UVRAG: variants seen among roughly 807,000 people sequenced by gnomAD.
The protein encoded by UVRAG is UV radiation resistance associated, also known as UV radiation resistance-associated gene protein.
In UVRAG, 19 loss-of-function variants were observed where a neutral mutation model predicts 78.0. That is an observed-to-expected ratio of 0.24 (90% CI 0.17 to 0.36). The LOEUF (loss-of-function observed/expected upper bound fraction) is 0.36, where lower values mean the gene tolerates loss of function less well. Among genes scored for constraint, UVRAG ranks in the 10% least tolerant of loss-of-function variants. The probability of loss-of-function intolerance (pLI) is 1.00; values close to 1 mark genes in which losing one functional copy is unlikely to be tolerated. For missense variants in UVRAG, 740 were observed against 853.8 expected, an observed-to-expected ratio of 0.87 and a Z score of 1.66; for synonymous variants, 323 against 324.6, an observed-to-expected ratio of 1.00 and a Z score of 0.05.
intron 5 of UVRAG, among the ~76,000 whole-genome samples, chr11:75,899,840 A>G (rs888444582): frequency 6.6e-6 from 1 of 152,130 alleles, no homozygotes; most frequent in African/African-American, 2.4e-5. Context: ...CCATCAACCC[A>G]CTGAAGTCCA....
intron 12 of UVRAG, among the ~76,000 whole-genome samples, chr11:76,032,810 A>G (rs376935690): frequency 7.9e-5 from 12 of 152,338 alleles, no homozygotes; most frequent in African/African-American, 2.4e-4. Flanking sequence ...ACACCTTTCC[A>G]TGGACCAAAG....
intron 5 of UVRAG, among the ~76,000 whole-genome samples, chr11:75,898,816 G>T (rs902233844): frequency 6.6e-6 from 1 of 152,146 alleles, no homozygotes; most frequent in Non-Finnish European, 1.5e-5. Flanking sequence ...GAAGTTAAGA[G>T]ATTTCCATGT....
At chr11:76,092,538 C>G (rs1188866948) in intron 13 of UVRAG, among the ~76,000 whole-genome samples, 1 of 152,114 alleles carries the variant, frequency 6.6e-6, no homozygotes, top group Admixed American at 6.6e-5. Context: ...TTCTAATTGG[C>G]GTGAGATGGT....
chr11:75,925,980 G>A (rs541016859), intron 6 of UVRAG, among the ~76,000 whole-genome samples: 2 of 151,758 alleles, frequency 1.3e-5, no homozygotes, highest in East Asian at 1.9e-4. Flanking sequence ...GGAATTCCCC[G>A]TGACATTCTT....
chr11:76,114,920 C>T (rs1290625371), intron 13 of UVRAG, among the ~76,000 whole-genome samples: 2 of 152,154 alleles, frequency 1.3e-5, no homozygotes, highest in African/African-American at 2.4e-5. Context: ...ACCTTAAGAC[C>T]GATGCCCCTT....
intron 14 of UVRAG, among the ~76,000 whole-genome samples, chr11:76,123,226 G>A (rs1325058811): frequency 6.6e-6 from 1 of 152,138 alleles, no homozygotes; most frequent in Non-Finnish European, 1.5e-5. Flanking sequence ...AATCCAGAGC[G>A]CTGGAAAGAT....
At chr11:76,095,938 A>G (rs1298774230) in intron 13 of UVRAG, among the ~76,000 whole-genome samples, 1 of 151,840 alleles carries the variant, frequency 6.6e-6, no homozygotes, top group Non-Finnish European at 1.5e-5. Flanking sequence ...AGTAGCTCCT[A>G]TCAGATCAAC....
chr11:76,074,812 CT>C (rs1420652347), intron 13 of UVRAG, among the ~76,000 whole-genome samples: 3 of 152,194 alleles, frequency 2.0e-5, no homozygotes, highest in African/African-American at 7.2e-5. Flanking sequence ...GAAGAGCCCC[CT>C]GAGACAGTGA....
intron 13 of UVRAG, among the ~76,000 whole-genome samples, chr11:76,101,279 A>G (rs550634015): frequency 1.3e-5 from 2 of 152,186 alleles, no homozygotes; most frequent in Admixed American, 1.3e-4. Flanking sequence ...ATTTTTAATA[A>G]TAGCCATTCT....
intron 7 of UVRAG, among the ~76,000 whole-genome samples, chr11:75,978,158 G>T (rs1949293765): frequency 6.6e-6 from 1 of 152,068 alleles, no homozygotes. Flanking sequence ...GAAATTCCGG[G>T]TCGAAAATTC....
intron 1 of UVRAG, among the ~76,000 whole-genome samples, chr11:75,823,044 C>T (rs1334444770): frequency 6.6e-6 from 1 of 152,106 alleles, no homozygotes; most frequent in Non-Finnish European, 1.5e-5. Context: ...CTAGGAAACG[C>T]TGAGGGACTA....
intron 14 of UVRAG, among the ~76,000 whole-genome samples, chr11:76,119,697 A>G (rs577947927): frequency 2.0e-5 from 3 of 152,100 alleles, no homozygotes; most frequent in African/African-American, 4.8e-5. Flanking sequence ...ATACATATCA[A>G]TCTGTTCACT....
intron 14 of UVRAG, among the ~76,000 whole-genome samples, chr11:76,134,750 G>T (rs533856506): frequency 6.6e-5 from 10 of 152,128 alleles, no homozygotes; most frequent in Non-Finnish European, 1.3e-4. Flanking sequence ...TCTATGCCAG[G>T]CATCCTGCCA....
At chr11:75,843,092 A>G (rs1945951773) in intron 1 of UVRAG, among the ~76,000 whole-genome samples, 1 of 152,210 alleles carries the variant, frequency 6.6e-6, no homozygotes, top group South Asian at 2.1e-4. Flanking sequence ...AGGGCACATC[A>G]GTTCTCTTTG....
At chr11:75,899,078 A>G (rs555070863) in intron 5 of UVRAG, among the ~76,000 whole-genome samples, 2 of 152,278 alleles carry the variant, frequency 1.3e-5, no homozygotes, top group African/African-American at 4.8e-5. Context: ...TAAAAAGTCC[A>G]TTCCTATGCA....
At position 75,973,149 on chromosome 11, in the gene UVRAG, A is replaced by G. The variant is rs77567455; in HGVS notation, c.700-10238A>G. Among the ~76,000 whole-genome samples, 1,276 of 152,294 alleles carry G rather than the reference A, an allele frequency of 8.4e-3. 23 individuals are homozygous for G. The highest frequency in any genetic ancestry group is 0.029 in the African/African-American group (1,217 of 41,554). On this transcript the variant is annotated intron_variant, in intron 7 of 14. Coordinates refer to ENST00000356136, the MANE Select transcript of UVRAG (RefSeq NM_003369.4). ...GGGGATAAGCATCTAGTTTCTTACT[A>G]TTAAGTATGATGTTAGCTGTAGGTT...
chr11:76,044,760 C>T (rs1007494054), intron 12 of UVRAG, among the ~76,000 whole-genome samples: 10 of 151,340 alleles, frequency 6.6e-5, no homozygotes, highest in African/African-American at 1.7e-4. Flanking sequence ...GGCTACGGAG[C>T]GAGACTCCAT....
rs556373 is a variant in UVRAG, at chr11:76,050,392, C to T, written c.1227-15318C>T. On this transcript the variant is annotated intron_variant, in intron 12 of 14. Coordinates refer to ENST00000356136, the MANE Select transcript of UVRAG (RefSeq NM_003369.4). The stretch of plus-strand genomic sequence containing the variant: ...TCCTTCAGTATTTACTTAATATATT[C>T]ATTTGTTTAATCATTCATTTGCAGA... 2.9e-3 allele frequency among the ~76,000 whole-genome samples: 444 copies of T among 152,192 alleles called. 1 individual carries two copies. The highest frequency in any genetic ancestry group is 2.5e-3 in the Non-Finnish European group (168 of 68,002).
At chr11:75,827,333 G>A (rs983708184) in intron 1 of UVRAG, among the ~76,000 whole-genome samples, 1 of 151,910 alleles carries the variant, frequency 6.6e-6, no homozygotes, top group Non-Finnish European at 1.5e-5. Flanking sequence ...AATTCTGGGC[G>A]GGGCGCGGTG....
Sources: gnomAD v4.1 joint callset for allele counts (sites outside exome capture counted in the v4.1 genomes callset) on GRCh38, gnomAD v4.1.1 for gene constraint, MANE v1.5 for transcripts, NCBI Gene and HGNC (gene_info 2026-07-23, HGNC 2026-07-21) for gene names.